Variants in ATP8B1 observed in about 807,000 individuals in gnomAD.
The protein encoded by ATP8B1 is phospholipid-transporting ATPase IC.
In ATP8B1, 80 loss-of-function variants were observed where a neutral mutation model predicts 149.9. The observed-to-expected ratio is 0.53, with a 90% CI of 0.45 to 0.64. The LOEUF (loss-of-function observed/expected upper bound fraction) is 0.64. Among genes scored for constraint, ATP8B1 ranks in the 30% least tolerant of loss-of-function variants. ATP8B1 has a pLI of 0.00. For missense variants in ATP8B1, 1,247 were observed against 1,552.6 expected, an observed-to-expected ratio of 0.80 and a Z score of 3.31; for synonymous variants, 536 against 562.8, an observed-to-expected ratio of 0.95 and a Z score of 0.67.
intron 22 of ATP8B1, 144 bp downstream of exon 22, chr18:57,661,030 C>G (rs998756758): frequency 3.0e-5 from 35 of 1,160,464 alleles, no homozygotes; most frequent in Non-Finnish European, 2.1e-5. Flanking sequence ...CAGGCGTTGT[C>G]ATGGTTAAGT....
rs1909657792 is a variant in ATP8B1, at chr18:57,652,095, G to C, written c.3339C>G (p.Ile1113Met). 2 of 1,613,762 alleles carry C rather than the reference G, an allele frequency of 1.2e-6. No individual in the cohort carries two copies. Among genetic ancestry groups the C allele is most frequent in the Admixed American group, 1.7e-5 (1 of 59,996 alleles). ...IFGSIALYFG[I>M]MFDFHSAGIH... Reference sequence around the variant, plus strand: ...TTCCAGCACTATGAAAGTCAAACATGATGCCAAAATAAAGTGCAATGCTTC... The same window carrying C: ...TTCCAGCACTATGAAAGTCAAACATCATGCCAAAATAAAGTGCAATGCTTC... Residue 1113 changes from isoleucine (I) to methionine (M), a missense_variant, in exon 26 of 28, where the codon ATC (isoleucine) becomes ATG (methionine). Ile to Met is a conservative substitution (Grantham distance 10). Around this residue, in one of 3 missense-constraint regions of ATP8B1, gnomAD observed 230 missense variants for 356.6 expected, o/e 0.65. Transcript: ENST00000648908.
At chr18:57,767,788 T>TAAA (rs35968334) in intron 1 of ATP8B1, among the ~76,000 whole-genome samples, 1 of 143,804 alleles carries the variant, frequency 7.0e-6, no homozygotes, top group African/African-American at 2.6e-5. Flanking sequence ...AAACTCCATC[T>TAAA]AAAAAAAAAA....
chr18:57,792,719 T>C (rs996228956), intron 1 of ATP8B1, among the ~76,000 whole-genome samples: 1 of 152,212 alleles, frequency 6.6e-6, no homozygotes, highest in Non-Finnish European at 1.5e-5. Flanking sequence ...CATTGAATTG[T>C]ATATTTTAAA....
At chr18:57,725,990 GA>G (rs1288280386) in intron 2 of ATP8B1, among the ~76,000 whole-genome samples, 22 of 152,204 alleles carry the variant, frequency 1.4e-4, no homozygotes, top group African/African-American at 5.3e-4. Context: ...AGCACTTTGG[GA>G]AGCCAAGGTG....
chr18:57,718,103 T>TAAAAAAAAAAAAAA (rs59629558), intron 2 of ATP8B1, among the ~76,000 whole-genome samples: 23 of 31,802 alleles, frequency 7.2e-4, no homozygotes, highest in Non-Finnish European at 8.7e-4. Flanking sequence ...CTGGACTAAC[T>TAAAAAAAAAAAAAA]AAAAAAAAAA....
At chr18:57,732,397 A>G (rs1599168601) in intron 1 of ATP8B1, among the ~76,000 whole-genome samples, 1 of 149,526 alleles carries the variant, frequency 6.7e-6, no homozygotes, top group East Asian at 1.9e-4. Flanking sequence ...ATTTCAAATT[A>G]GGGGGTCTCA....
At chr18:57,683,099 A>G (rs549780662) in intron 15 of ATP8B1, among the ~76,000 whole-genome samples, 2 of 152,282 alleles carry the variant, frequency 1.3e-5, no homozygotes, top group Admixed American at 1.3e-4. Flanking sequence ...AAATGCTGGG[A>G]TTACAGGTGT....
At chr18:57,685,189 T>G in intron 13 of ATP8B1, 74 bp from the exon 14 acceptor site, 2 of 1,523,310 alleles carry the variant, frequency 1.3e-6, no homozygotes, top group Non-Finnish European at 1.8e-6. Flanking sequence ...TGGCTTTGCT[T>G]ATATAGTGAT....
At chr18:57,791,666 C>T (rs2080466111) in intron 1 of ATP8B1, among the ~76,000 whole-genome samples, 1 of 152,142 alleles carries the variant, frequency 6.6e-6, no homozygotes, top group Non-Finnish European at 1.5e-5. Flanking sequence ...CTTCGTAAGG[C>T]TGAGAAACAT....
At chr18:57,735,696 T>G (rs1479580790) in intron 1 of ATP8B1, 3 of 152,244 alleles carry the variant, frequency 2.0e-5, no homozygotes, top group African/African-American at 7.2e-5. Context: ...TATACTATTT[T>G]AAAATTATTT....
intron 1 of ATP8B1, among the ~76,000 whole-genome samples, chr18:57,777,837 T>C (rs1358213992): frequency 1.3e-5 from 2 of 152,380 alleles, no homozygotes; most frequent in South Asian, 2.1e-4. Context: ...CCCAAAGTTC[T>C]GGGATTACAG....
intron 12 of ATP8B1, among the ~76,000 whole-genome samples, chr18:57,689,802 G>T (rs575056764): frequency 6.6e-6 from 1 of 152,306 alleles, no homozygotes; most frequent in East Asian, 1.9e-4. Context: ...CGGATCATGA[G>T]GTCAGGAGTT....
chr18:57,730,802 C>CATATATATATATAT (rs927338067), intron 2 of ATP8B1, among the ~76,000 whole-genome samples: 3 of 11,066 alleles, frequency 2.7e-4, no homozygotes, highest in African/African-American at 5.9e-4. Flanking sequence ...AGACCATATA[C>CATATATATATATAT]ATATATATAT....
chr18:57,661,092 A>G (rs933468536), intron 22 of ATP8B1, 82 bp downstream of exon 22: 2 of 1,543,566 alleles, frequency 1.3e-6, no homozygotes, highest in Non-Finnish European at 1.8e-6. Context: ...AATCTAAAAA[A>G]AGAAAATCCA....
intron 15 of ATP8B1, among the ~76,000 whole-genome samples, chr18:57,677,338 ATACTCTGCCTACCCAAGAT>A (rs1178242428): frequency 2.0e-5 from 3 of 152,230 alleles, no homozygotes; most frequent in Non-Finnish European, 4.4e-5. Flanking sequence ...AGTTTAAAAA[ATACTCTGCCTACCCAAGAT>A]CTTCTATTTT....
rs35953143 is a variant in ATP8B1, at chr18:57,648,545, C to G, written c.3699G>C (p.Pro1233=). The G allele has an allele frequency of 1.2e-6, 2 of 1,611,440 alleles. No homozygotes were observed. The highest frequency in any genetic ancestry group is 2.7e-5 in the African/African-American group (2 of 74,884). The change falls in exon 28 of 28, where the codon CCG becomes CCC. Residue 1233 remains proline (P), a synonymous_variant. Transcript: ENST00000648908. The stretch of plus-strand genomic sequence containing the variant: ...TGCCATCCGCCACGATGGCATCAAG[C>G]GGCGAGCGCTTCTTGCGGATGCTGC... The part of the protein sequence containing the change: ...SGRSIRKKRS[P]LDAIVADGTA...
chr18:57,653,997 C>G lies in ATP8B1; in HGVS notation c.3010G>C (p.Asp1004His). The change falls in exon 24 of 28, where the codon GAC becomes CAC. Residue 1004 changes from aspartate (D) to histidine (H), a missense_variant. Asp to His is a moderately conservative substitution (Grantham distance 81). Transcript: ENST00000648908. ...TGCTTGTGCGAGGCTCCTACCTGGT[C>G]GAGCAGCCCCATGAGGAGCACGGGC... ...SLPVLLMGLL[D>H]QDVSDKLSLR... The G allele has an allele frequency of 6.2e-7, 1 of 1,613,514 alleles. No homozygotes were observed. The highest frequency in any genetic ancestry group is 1.1e-5 in the South Asian group (1 of 91,064).
At chr18:57,665,230 C>T (rs564351217) in intron 20 of ATP8B1, among the ~76,000 whole-genome samples, 14 of 121,924 alleles carry the variant, frequency 1.1e-4, no homozygotes, top group Admixed American at 2.9e-4. Context: ...ATTGAAAGGC[C>T]GTAAGAGAAA....
intron 1 of ATP8B1, among the ~76,000 whole-genome samples, chr18:57,744,182 G>C (rs941655130): frequency 6.6e-6 from 1 of 151,964 alleles, no homozygotes; most frequent in African/African-American, 2.4e-5. Flanking sequence ...AGGCATGGTG[G>C]TGTGTGCCTG....
Sources: gnomAD v4.1 joint callset for allele counts (sites outside exome capture counted in the v4.1 genomes callset) on GRCh38, gnomAD v4.1.1 for gene constraint, gnomAD v4.1.1 regional missense constraint, MANE v1.5 for transcripts, NCBI Gene and HGNC (gene_info 2026-07-23, HGNC 2026-07-21) for gene names.